TRPS1: variants seen among roughly 807,000 people sequenced by gnomAD.
TRPS1 encodes zinc finger transcription factor Trps1.
In TRPS1, 6 loss-of-function variants were observed where a neutral mutation model predicts 101.2. The ratio of observed to expected loss-of-function variants is 0.06; its 90% CI spans 0.03 to 0.12. TRPS1 has a LOEUF of 0.12. TRPS1 is among the 10% of genes least tolerant of loss of function. TRPS1 has a pLI of 1.00. For missense variants in TRPS1, 1,363 were observed against 1,567.0 expected, an observed-to-expected ratio of 0.87 and a Z score of 2.20; for synonymous variants, 578 against 589.8, an observed-to-expected ratio of 0.98 and a Z score of 0.29.
rs756351640 is a variant in TRPS1, at chr8:115,414,364, T to C, written c.3544A>G (p.Lys1182Glu). 1.2e-6 allele frequency: 2 copies of C among 1,613,974 alleles called. No homozygotes were observed. Among genetic ancestry groups the C allele is most frequent in the Admixed American group, 1.7e-5 (1 of 59,940 alleles). The change falls in exon 7 of 7, where the codon AAG (lysine) becomes GAG (glutamate). Residue 1182 changes from lysine (K) to glutamate (E), a missense_variant. By Grantham distance (56) the Lys-to-Glu change is moderately conservative. Around this residue, in one of 5 missense-constraint regions of TRPS1, gnomAD observed 307 missense variants for 392.4 expected, o/e 0.78. Transcript: ENST00000395715. This position sits in a 1 kb window ranked among gnomAD's most constrained non-coding sequence, Gnocchi z 4.8. ...GCAGTTGGCCCAGGTCTGGAATGCT[T>C]GATCGCCAAATCTAGAGGAATGTCA... ...DNDIPLDLAI[K>E]HSRPGPTANG...
chr8:115,623,630 T>A lies in TRPS1; in HGVS notation c.8A>T (p.Tyr3Phe). ...AAAATCATACCCAGCATTGACTTCA[T>A]AAGGCATGTGGCTTTAGAGTGCTTT... is the stretch of plus-strand genomic sequence containing the variant. MP[Y>F]EVNAGYDFTN... Residue 3 changes from tyrosine (Y) to phenylalanine (F), a missense_variant, in exon 2 of 7, where the codon TAT (tyrosine) becomes TTT (phenylalanine). Around this residue, in one of 5 missense-constraint regions of TRPS1, gnomAD observed 1,020 missense variants for 1,073.0 expected, o/e 0.95. Coordinates refer to ENST00000395715, the MANE Select transcript of TRPS1 (RefSeq NM_014112.5). The A allele has an allele frequency of 6.2e-7, 1 of 1,600,100 alleles. No homozygotes were observed. The highest frequency in any genetic ancestry group is 1.1e-5 in the South Asian group (1 of 90,300).
At chr8:115,526,144 A>G (rs1335615754) in intron 5 of TRPS1, among the ~76,000 whole-genome samples, 1 of 152,134 alleles carries the variant, frequency 6.6e-6, no homozygotes, top group Non-Finnish European at 1.5e-5. Context: ...CCCCATTTCT[A>G]CTAAAAATAC....
At chr8:115,640,988 G>T (rs1366125880) in intron 1 of TRPS1, among the ~76,000 whole-genome samples, 1 of 152,152 alleles carries the variant, frequency 6.6e-6, no homozygotes, top group Non-Finnish European at 1.5e-5. Context: ...TACCTAACTT[G>T]GGGGTGGGGA....
chr8:115,553,978 T>A lies in TRPS1; in HGVS notation c.2700+33023A>T, dbSNP rs1412617135. 1.2e-4 allele frequency among the ~76,000 whole-genome samples: 18 copies of A among 152,314 alleles called. No homozygotes were observed. The South Asian group carries it at 3.7e-3, about 32-fold the overall frequency. On this transcript the variant is annotated intron_variant, in intron 5 of 6. Coordinates refer to ENST00000395715, the MANE Select transcript of TRPS1 (RefSeq NM_014112.5). ...ACTTGAATTCCAAATTTATAGTCTTTATTAAACACTTACTTTTTTCCAAAA... is the reference window on the plus strand; with the variant it reads ...ACTTGAATTCCAAATTTATAGTCTTAATTAAACACTTACTTTTTTCCAAAA...
chr8:115,469,210 T>C (rs1381335250), intron 5 of TRPS1, among the ~76,000 whole-genome samples: 9 of 152,152 alleles, frequency 5.9e-5, no homozygotes, highest in Admixed American at 5.9e-4. Flanking sequence ...ATTGACAAGA[T>C]GAAACAGTGT....
At chr8:115,650,271 A>G (rs1482714521) in intron 1 of TRPS1, among the ~76,000 whole-genome samples, 2 of 152,246 alleles carry the variant, frequency 1.3e-5, no homozygotes, top group African/African-American at 4.8e-5. Flanking sequence ...AGTTGCTTAC[A>G]GACATAAGGT....
Position 115,668,918 on chromosome 8 carries a change from G to A in TRPS1, c.-495C>T, listed in dbSNP as rs1037438666. The A allele has an allele frequency of 2.0e-5, 3 of 151,710 alleles. No individual in the cohort carries two copies. Among genetic ancestry groups the A allele is most frequent in the African/African-American group, 7.2e-5 (3 of 41,382 alleles). 9.4% of individuals were successfully genotyped at this position (151,710 alleles called of 1,614,324 possible). On this transcript the variant is annotated 5_prime_UTR_variant, in exon 1 of 7. Coordinates refer to ENST00000395715, the MANE Select transcript of TRPS1 (RefSeq NM_014112.5). ...AAGAGGACGCTAGAGATTGCAGTAA[G>A]ATCGGGTCTTTATCAGAAATGTTAT...
At chr8:115,536,160 C>T (rs1258877792) in intron 5 of TRPS1, among the ~76,000 whole-genome samples, 4 of 152,088 alleles carry the variant, frequency 2.6e-5, no homozygotes, top group African/African-American at 9.7e-5. Flanking sequence ...TGTAATTTTA[C>T]ATAATGTAAT....
In TRPS1 at chr8:115,430,045, A is replaced by C. The variant is rs944651462; in HGVS notation, c.2701-11593T>G. Among the ~76,000 whole-genome samples, 5 of 152,314 alleles carry C rather than the reference A, an allele frequency of 3.3e-5. No homozygotes were observed. The East Asian group carries it at 9.6e-4, about 29-fold the overall frequency. ...AAACACATACAAAAAATGAAAAGCA[A>C]ACAAAAATGCTTAGTTGTGACTTAC... On this transcript the variant is annotated intron_variant, in intron 5 of 6. Coordinates refer to ENST00000395715, the MANE Select transcript of TRPS1 (RefSeq NM_014112.5).
chr8:115,509,225 A>G (rs1815520017), intron 5 of TRPS1, among the ~76,000 whole-genome samples: 1 of 152,090 alleles, frequency 6.6e-6, no homozygotes, highest in East Asian at 1.9e-4. Context: ...TTAAAGAGGT[A>G]TAAGAGTTCC....
chr8:115,626,645 C>T (rs897243749), intron 1 of TRPS1, among the ~76,000 whole-genome samples: 2 of 151,756 alleles, frequency 1.3e-5, no homozygotes, highest in Admixed American at 6.6e-5. Context: ...ACAACTTCCA[C>T]CAAATAAATC....
chr8:115,463,437 CTG>C (rs1298682825), intron 5 of TRPS1, among the ~76,000 whole-genome samples: 1 of 152,146 alleles, frequency 6.6e-6, no homozygotes, highest in Non-Finnish European at 1.5e-5. Context: ...CTCATAAATT[CTG>C]TCTGTCTAAA....
At chr8:115,583,016 C>T (rs1016653351) in intron 5 of TRPS1, among the ~76,000 whole-genome samples, 3 of 152,008 alleles carry the variant, frequency 2.0e-5, no homozygotes, top group Non-Finnish European at 4.4e-5. Flanking sequence ...ACTGTACTTC[C>T]GTATTTTATT....
intron 1 of TRPS1, among the ~76,000 whole-genome samples, chr8:115,663,721 G>GAAAAAAAAAA (rs1201864123): frequency 3.9e-5 from 3 of 76,776 alleles, no homozygotes; most frequent in African/African-American, 1.1e-4. Flanking sequence ...CTTGGAAAAG[G>GAAAAAAAAAA]AAAAAAAAAA....
chr8:115,420,697 A>T (rs992332108), intron 5 of TRPS1, among the ~76,000 whole-genome samples: 2 of 152,312 alleles, frequency 1.3e-5, no homozygotes, highest in Non-Finnish European at 2.9e-5. Context: ...AAAATCCTGA[A>T]ATTACAGCAC....
chr8:115,505,128 T>C (rs1347842654), intron 5 of TRPS1, among the ~76,000 whole-genome samples: 2 of 152,154 alleles, frequency 1.3e-5, no homozygotes, highest in Non-Finnish European at 2.9e-5. Context: ...TCTCTGAATG[T>C]TGTCATTATC....
intron 5 of TRPS1, among the ~76,000 whole-genome samples, chr8:115,535,430 T>C (rs1268375042): frequency 6.9e-6 from 1 of 144,392 alleles, no homozygotes; most frequent in Admixed American, 6.8e-5. Context: ...ATATATATAG[T>C]GCATATATAT....
At chr8:115,655,793 C>T (rs1318015525) in intron 1 of TRPS1, among the ~76,000 whole-genome samples, 1 of 152,124 alleles carries the variant, frequency 6.6e-6, no homozygotes, top group Non-Finnish European at 1.5e-5. Flanking sequence ...CATCCTGCCT[C>T]TTCTATTGTA....
chr8:115,552,846 A>C (rs1427038746), intron 5 of TRPS1, among the ~76,000 whole-genome samples: 1 of 151,040 alleles, frequency 6.6e-6, no homozygotes, highest in East Asian at 2.0e-4. Flanking sequence ...AATTCCCCCC[A>C]CCCCCTAAAG....
Sources: allele counts gnomAD v4.1 joint callset (sites outside exome capture counted in the v4.1 genomes callset), GRCh38; gene constraint gnomAD v4.1.1; regional missense constraint gnomAD v4.1.1; non-coding constraint Gnocchi (gnomAD v3.1); transcripts MANE v1.5; gene names NCBI Gene and HGNC (gene_info 2026-07-23, HGNC 2026-07-21).